AGO2: variants seen among roughly 807,000 people sequenced by gnomAD.
The protein encoded by AGO2 is protein argonaute-2.
Under a neutral mutation model 102.3 loss-of-function variants are expected in AGO2, and 5 were observed. The ratio of observed to expected loss-of-function variants is 0.05; its 90% CI spans 0.03 to 0.10. The LOEUF is 0.10. Among genes scored for constraint, AGO2 ranks in the 10% least tolerant of loss-of-function variants. The pLI, the probability that AGO2 is intolerant of heterozygous loss-of-function variation, is 1.00. For synonymous variants in AGO2, 449 were observed against 473.1 expected (o/e 0.95, Z 0.66); for missense variants, 541 against 1,183.7 (o/e 0.46, Z 7.97).
chr8:140,598,556 CTG>C (rs1295238380), intron 1 of AGO2, among the ~76,000 whole-genome samples: 1 of 152,240 alleles, frequency 6.6e-6, no homozygotes, highest in Non-Finnish European at 1.5e-5. Context: ...CCGGTCCACT[CTG>C]CGCGGCAGCA....
rs2073018558 is a variant in AGO2 at position 140,552,697 on chromosome 8, C to CTCACATGCACACACACGCATGT, written c.1270-1262_1270-1261insACATGCGTGTGTGTGCATGTGA. Among the ~76,000 whole-genome samples, 2 of 151,910 alleles carry CTCACATGCACACACACGCATGT rather than the reference C, an allele frequency of 1.3e-5. 1 individual carries two copies. The highest frequency in any genetic ancestry group is 4.2e-4 in the South Asian group (2 of 4,818). On this transcript the variant is annotated intron_variant, in intron 10 of 18. Transcript: ENST00000220592. ...GTGCACACACACACACACACGCATG[C>CTCACATGCACACACACGCATGT]ACTCACATGCACATGAACACACGCA...
rs1554696533 is a variant in AGO2 at position 140,522,726 on chromosome 8, G to GGGGGA, written c.*9317_*9318insTCCCC. The GGGGGA allele has an allele frequency of 1.7e-5, 2 of 121,056 alleles. No individual in the cohort carries two copies. The highest frequency in any genetic ancestry group is 3.0e-4 in the South Asian group (1 of 3,368). The allele number at this position is 121,056 out of a possible 1,614,324, so 7.5% of individuals were successfully genotyped here. A position where few individuals can be genotyped will look rare whatever the true frequency, so the allele number is the denominator to read the frequency against. ...AGAGGGAGGGGGAGGGGGGAGAGGG[G>GGGGGA]GAGAGAGAGAGAGAGAGAGAGAGGT... On this transcript the variant is annotated 3_prime_UTR_variant, in exon 19 of 19. Coordinates refer to ENST00000220592, the MANE Select transcript of AGO2 (RefSeq NM_012154.5).
chr8:140,628,184 G>C (rs1026273568), intron 1 of AGO2, among the ~76,000 whole-genome samples: 1 of 152,240 alleles, frequency 6.6e-6, no homozygotes, highest in Admixed American at 6.5e-5. Flanking sequence ...AGCGCCCACT[G>C]ACTGAGCACC....
rs57810503 is a variant in AGO2 at position 140,547,509 on chromosome 8, G to C, written c.1707C>G (p.Val569=). Residue 569 remains valine (V), a synonymous_variant, in exon 13 of 19, where the codon GTC becomes GTG. Coordinates refer to ENST00000220592, the MANE Select transcript of AGO2 (RefSeq NM_012154.5). ...GGATGTTGTTCACGCCTCCCAGCTT[G>C]ACGTTGATCTTCAGGCAGAGGTTGG... ...TLSNLCLKIN[V]KLGGVNNILL... 1.9e-3 allele frequency: 3,089 copies of C among 1,614,170 alleles called. 51 individuals carry two copies. The African/African-American group carries it at 0.036, about 19-fold the overall frequency.
At chr8:140,640,322 T>A (rs1342180859), upstream of AGO2, among the ~76,000 whole-genome samples, 2 of 151,992 alleles carry the variant, frequency 1.3e-5, no homozygotes, top group African/African-American at 4.8e-5. Flanking sequence ...ACTGCATTCT[T>A]TTTGTTTGTT....
At position 140,567,926 on chromosome 8, in the gene AGO2, G is replaced by T. The variant is rs1311502564; in HGVS notation, c.336+4886C>A. The stretch of plus-strand genomic sequence containing the variant: ...GGATCGCTTGAGCTCAGGAGTTGCA[G>T]ACCAGCCCGGGCAATGTGGCAAAAC... On this transcript the variant is annotated intron_variant, in intron 3 of 18. Transcript: ENST00000220592. The surrounding 1 kb of genome is among the most constrained non-coding windows in gnomAD (Gnocchi z 5.0). 6.6e-6 allele frequency among the ~76,000 whole-genome samples: 1 copy of T among 152,054 alleles called. No homozygotes were observed. Among genetic ancestry groups the T allele is most frequent in the Non-Finnish European group, 1.5e-5 (1 of 68,014 alleles).
intron 3 of AGO2, among the ~76,000 whole-genome samples, chr8:140,568,692 G>A (rs373398648): frequency 5.9e-5 from 9 of 152,314 alleles, no homozygotes; most frequent in Admixed American, 1.3e-4. Flanking sequence ...AGCAGCTCTC[G>A]AAAGGCAGAT....
chr8:140,535,354 T>G, intron 17 of AGO2, 114 bp downstream of exon 17: 1 of 1,094,796 alleles, frequency 9.1e-7, no homozygotes. Context: ...GTACTGCCTG[T>G]GTGGGCCCCT....
Position 140,551,332 on chromosome 8 carries a change from G to T in AGO2, c.1374C>A (p.Pro458=). The part of the protein sequence containing the change: ...IKVWAIACFA[P]QRQCTEVHLK... ...GATGGACTTCCGTGCACTGGCGCTG[G>T]GGGGCGAAGCACGCAATGGCCCACA... is the stretch of plus-strand genomic sequence containing the variant. Residue 458 remains proline, a synonymous_variant, in exon 11 of 19, where the codon CCC becomes CCA. Transcript: ENST00000220592. 2 of 1,581,040 alleles carry T rather than the reference G, an allele frequency of 1.3e-6. No homozygotes were observed. The highest frequency in any genetic ancestry group is 1.3e-5 in the African/African-American group (1 of 74,080).
intron 12 of AGO2, among the ~76,000 whole-genome samples, chr8:140,548,161 TA>T (rs2072934479): frequency 6.6e-6 from 1 of 151,516 alleles, no homozygotes; most frequent in Admixed American, 6.6e-5. Flanking sequence ...ACTAATAATA[TA>T]AAAATTAGCC....
intron 1 of AGO2, among the ~76,000 whole-genome samples, chr8:140,594,809 G>A (rs577459375): frequency 8.1e-6 from 1 of 124,056 alleles, no homozygotes; most frequent in Admixed American, 8.9e-5. Context: ...AACCCGTCTC[G>A]ACGGAAAGAA....
At chr8:140,597,081 G>A (rs987955393) in intron 1 of AGO2, among the ~76,000 whole-genome samples, 3 of 152,168 alleles carry the variant, frequency 2.0e-5, no homozygotes, top group African/African-American at 7.2e-5. Context: ...CATGGTTAAA[G>A]GGAACTCACA....
At chr8:140,578,700 G>A (rs1193108018) in intron 2 of AGO2, among the ~76,000 whole-genome samples, 2 of 152,228 alleles carry the variant, frequency 1.3e-5, no homozygotes, top group Admixed American at 6.5e-5. Flanking sequence ...ATGTTGAAAC[G>A]AAGGAAAAGG....
chr8:140,617,234 T>C (rs188377627), intron 1 of AGO2, among the ~76,000 whole-genome samples: 1 of 151,160 alleles, frequency 6.6e-6, no homozygotes, highest in African/African-American at 2.4e-5. Flanking sequence ...ACCTGTTCAA[T>C]CTCAGTGACC....
intron 2 of AGO2, among the ~76,000 whole-genome samples, chr8:140,579,741 C>A (rs2132996013): frequency 6.6e-6 from 1 of 152,114 alleles, no homozygotes; most frequent in Non-Finnish European, 1.5e-5. Flanking sequence ...ACGGGTGGGT[C>A]AGAGGGTACA....
At chr8:140,541,568 A>G (rs1316179043) in intron 14 of AGO2, 3 of 504,196 alleles carry the variant, frequency 6.0e-6, no homozygotes, top group Non-Finnish European at 1.0e-5. Context: ...CTGAAGTACA[A>G]AAGTTTGCCA....
At chr8:140,633,709 G>A (rs759099395) in intron 1 of AGO2, among the ~76,000 whole-genome samples, 3 of 152,144 alleles carry the variant, frequency 2.0e-5, no homozygotes, top group Non-Finnish European at 4.4e-5. Flanking sequence ...GGCTTGAAAG[G>A]GACTGCCCTG....
At position 140,539,857 on chromosome 8, in the gene AGO2, G is replaced by A. The variant is rs1030439950; in HGVS notation, c.2035-403C>T. Among the ~76,000 whole-genome samples, 1 of 152,224 alleles carries A rather than the reference G, an allele frequency of 6.6e-6. No homozygotes were observed. On this transcript the variant is annotated intron_variant, in intron 15 of 18. Transcript: ENST00000220592. The surrounding 1 kb of genome is among the most constrained non-coding windows in gnomAD (Gnocchi z 4.7). ...TAATCCCAGGACTTTGGGAGGCCGA[G>A]TTGGGCGGATCACAAGATCAAGAGA...
chr8:140,606,868 C>A (rs571676055), intron 1 of AGO2, among the ~76,000 whole-genome samples: 8 of 148,318 alleles, frequency 5.4e-5, no homozygotes, highest in Non-Finnish European at 9.0e-5. Context: ...ACCTGGGAGA[C>A]GGAGGTTGTG....
Sources: allele counts gnomAD v4.1 joint callset (sites outside exome capture counted in the v4.1 genomes callset), GRCh38; gene constraint gnomAD v4.1.1; non-coding constraint Gnocchi (gnomAD v3.1); transcripts MANE v1.5; gene names NCBI Gene and HGNC (gene_info 2026-07-23, HGNC 2026-07-21).